Variants in GPM6A observed in about 807,000 individuals in gnomAD.
GPM6A encodes the protein neuronal membrane glycoprotein M6-a.
Under a neutral mutation model 32.1 loss-of-function variants are expected in GPM6A, and 7 were observed. That is an observed-to-expected ratio of 0.22 (90% CI 0.12 to 0.41). The LOEUF (loss-of-function observed/expected upper bound fraction) is 0.41. Ranked by LOEUF, GPM6A falls within the 10% of genes least tolerant of loss-of-function variation. The pLI is 1.00. For synonymous variants in GPM6A, 130 were observed against 123.4 expected (o/e 1.05, Z -0.35); for missense variants, 235 against 347.2 (o/e 0.68, Z 2.57).
chr4:175,931,066 C>T (rs1345866807), intron 1 of GPM6A, among the ~76,000 whole-genome samples: 3 of 152,168 alleles, frequency 2.0e-5, no homozygotes, highest in East Asian at 3.9e-4. Context: ...ATCACAGTGT[C>T]TCTGTATGGT....
At chr4:175,785,264 C>T (rs2111261566) in intron 1 of GPM6A, among the ~76,000 whole-genome samples, 1 of 152,296 alleles carries the variant, frequency 6.6e-6, no homozygotes, top group East Asian at 1.9e-4. Context: ...CAGCTAAGCT[C>T]ACAGCCATCA....
Position 175,900,334 on chromosome 4 carries a change from AAAGGAAAGGAAAG to A in GPM6A, c.-22-88098_-22-88086del, listed in dbSNP as rs1737922510. On this transcript the variant is annotated intron_variant, in intron 1 of 7. Transcript: ENST00000280187. ...AAAGGAAAGGAAAGGAAAGGAAAGGAAAGGAAAGGAAAGGAAAAGAAAGGAAAGGAAAAGAAAG... is the reference window on the plus strand; with the variant it reads ...AAAGGAAAGGAAAGGAAAGGAAAGGAGAAAAGAAAGGAAAGGAAAAGAAAG... Among the ~76,000 whole-genome samples the A allele has an allele frequency of 2.1e-5, 3 of 146,106 alleles. No homozygotes were observed. In the Admixed American group the frequency reaches 2.1e-4, roughly 10 times the overall value.
intron 4 of GPM6A, among the ~76,000 whole-genome samples, chr4:175,646,337 G>A (rs1378221445): frequency 2.0e-5 from 3 of 152,186 alleles, no homozygotes; most frequent in Admixed American, 2.0e-4. Context: ...ATTCCTATTA[G>A]GAGTATATGT....
intron 1 of GPM6A, among the ~76,000 whole-genome samples, chr4:175,926,830 AACT>A (rs1738855084): frequency 6.6e-6 from 1 of 152,188 alleles, no homozygotes; most frequent in African/African-American, 2.4e-5. Context: ...TGATTTTAAT[AACT>A]ATATAATAAA....
At chr4:175,773,081 GT>G (rs1733254707) in intron 1 of GPM6A, among the ~76,000 whole-genome samples, 1 of 152,128 alleles carries the variant, frequency 6.6e-6, no homozygotes, top group South Asian at 2.1e-4. Context: ...TGATGTTTTG[GT>G]GGTGATTCCT....
At chr4:175,994,921 T>G (rs1368431096) in intron 1 of GPM6A, among the ~76,000 whole-genome samples, 1 of 152,258 alleles carries the variant, frequency 6.6e-6, no homozygotes, top group East Asian at 1.9e-4. Context: ...TTCAACAATA[T>G]CACTGCATCT....
chr4:175,661,635 A>G (rs931282009), intron 3 of GPM6A, among the ~76,000 whole-genome samples: 13 of 152,182 alleles, frequency 8.5e-5, no homozygotes, highest in African/African-American at 3.1e-4. Flanking sequence ...TGACCTTCAG[A>G]AAGTTGCGCA....
Position 175,991,402 on chromosome 4 carries a change from T to C in GPM6A, c.-23+10907A>G, listed in dbSNP as rs76556866. 1.3e-4 allele frequency among the ~76,000 whole-genome samples: 20 copies of C among 152,048 alleles called. No individual in the cohort carries two copies. In the East Asian group the frequency reaches 3.9e-3, roughly 29 times the overall value. ...AATCTTGCTTTAGATAGGAAAAAAATATGTAAAACAGTGACAAAATGTATA... is the reference window on the plus strand; with the variant it reads ...AATCTTGCTTTAGATAGGAAAAAAACATGTAAAACAGTGACAAAATGTATA... On this transcript the variant is annotated intron_variant, in intron 1 of 7. Coordinates refer to the GPM6A transcript ENST00000280187.
intron 1 of GPM6A, among the ~76,000 whole-genome samples, chr4:175,997,115 A>G (rs1207121464): frequency 1.3e-5 from 2 of 152,114 alleles, no homozygotes; most frequent in Non-Finnish European, 2.9e-5. Context: ...GACCAGTCCA[A>G]TCCTGTCTTC....
At chr4:175,929,766 CAG>C (rs1353371123) in intron 1 of GPM6A, among the ~76,000 whole-genome samples, 1 of 152,106 alleles carries the variant, frequency 6.6e-6, no homozygotes, top group Non-Finnish European at 1.5e-5. Context: ...TTGATGCTTT[CAG>C]TTTAGTAAGT....
chr4:175,855,789 C>T (rs1020993364), intron 1 of GPM6A, among the ~76,000 whole-genome samples: 1 of 152,148 alleles, frequency 6.6e-6, no homozygotes, highest in African/African-American at 2.4e-5. Flanking sequence ...TAATATAATA[C>T]TGATGATTAC....
Position 175,651,939 on chromosome 4 carries a change from C to T in GPM6A, c.436G>A (p.Ala146Thr), listed in dbSNP as rs1741832687. The T allele has an allele frequency of 1.2e-6, 2 of 1,612,296 alleles. No individual in the cohort carries two copies. The highest frequency in any genetic ancestry group is 1.7e-5 in the Admixed American group (1 of 59,824). The change falls in exon 4 of 7, where the codon GCT (alanine) becomes ACT (threonine). Residue 146 changes from alanine to threonine, a missense_variant. Physicochemically the swap from Ala to Thr is moderately conservative, Grantham distance 58. Coordinates refer to ENST00000393658, the MANE Select transcript of GPM6A (RefSeq NM_201591.3). ...LFMLAWLGVTAFTSLPVYMYF... is the reference protein window; with the variant it reads ...LFMLAWLGVTTFTSLPVYMYF... ...ATGTAAACTGGCAGTGAGGTGAAAG[C>T]CGTGACTCCCAGCCAGGCCAACATG... is the stretch of plus-strand genomic sequence containing the variant.
At chr4:175,959,701 G>GCC (rs925153756) in intron 1 of GPM6A, among the ~76,000 whole-genome samples, 3 of 152,058 alleles carry the variant, frequency 2.0e-5, no homozygotes, top group African/African-American at 7.2e-5. Context: ...ACCACTGCCT[G>GCC]CCCCGCTCCA....
rs1579653220 is a variant in GPM6A, at chr4:175,947,187, T to A, written c.-23+55122A>T. ...TTTTAAAATCTAACTACAGAGTCTT[T>A]AAAAAAAAAAAAACACTAGCTCGAA... is the stretch of plus-strand genomic sequence containing the variant. On this transcript the variant is annotated intron_variant, in intron 1 of 7. Transcript: ENST00000280187. 4.1e-5 allele frequency among the ~76,000 whole-genome samples: 6 copies of A among 147,850 alleles called. 1 individual carries two copies.
intron 1 of GPM6A, among the ~76,000 whole-genome samples, chr4:175,996,836 C>T (rs140754594): frequency 4.6e-5 from 7 of 152,232 alleles, no homozygotes; most frequent in Non-Finnish European, 8.8e-5. Context: ...ATCAATTAGT[C>T]GGCTACCCTC....
chr4:175,754,974 C>T (rs191455408), intron 1 of GPM6A, among the ~76,000 whole-genome samples: 6 of 152,120 alleles, frequency 3.9e-5, no homozygotes, highest in African/African-American at 2.4e-5. Flanking sequence ...CCCCACAACA[C>T]ACACGCACAC....
chr4:175,734,135 C>CATAT (rs33914767), intron 1 of GPM6A, among the ~76,000 whole-genome samples: 21 of 127,194 alleles, frequency 1.7e-4, no homozygotes, highest in African/African-American at 2.9e-4. Flanking sequence ...TAATTTTTGC[C>CATAT]ATATATATAT....
chr4:175,691,259 G>A (rs191850061), intron 2 of GPM6A, among the ~76,000 whole-genome samples: 3 of 150,698 alleles, frequency 2.0e-5, no homozygotes, highest in East Asian at 1.9e-4. Flanking sequence ...GAGAAATAGC[G>A]AAGAAGTTTT....
intron 1 of GPM6A, among the ~76,000 whole-genome samples, chr4:175,717,988 A>G (rs990844134): frequency 1.3e-5 from 2 of 152,192 alleles, no homozygotes; most frequent in African/African-American, 2.4e-5. Context: ...CCAATTCAGT[A>G]TAGCATAAAT....
Sources: gnomAD v4.1 joint callset for allele counts (sites outside exome capture counted in the v4.1 genomes callset) on GRCh38, gnomAD v4.1.1 for gene constraint, MANE v1.5 for transcripts, NCBI Gene and HGNC (gene_info 2026-07-23, HGNC 2026-07-21) for gene names.